GABRG1: variants seen among roughly 807,000 people sequenced by gnomAD.
GABRG1 encodes gamma-aminobutyric acid receptor subunit gamma-1.
In GABRG1, 49 loss-of-function variants were observed where a neutral mutation model predicts 49.8. The ratio of observed to expected loss-of-function variants is 0.98; its 90% confidence interval spans 0.78 to 1.25. The LOEUF (loss-of-function observed/expected upper bound fraction) is 1.25. Among genes scored for constraint, GABRG1 ranks in the 50% most tolerant of loss-of-function variants. The pLI, the probability that GABRG1 is intolerant of heterozygous loss-of-function variation, is 0.00. For synonymous variants in GABRG1, 232 were observed against 185.1 expected (o/e 1.25, Z -2.06); for missense variants, 552 against 552.3 (o/e 1.00, Z 0.01).
At chr4:46,060,782 G>T (rs2109404639) in intron 5 of GABRG1, among the ~76,000 whole-genome samples, 1 of 151,974 alleles carries the variant, frequency 6.6e-6, no homozygotes, top group Admixed American at 6.6e-5. Context: ...GATTTCTATA[G>T]TTTCTGTCTT....
intron 3 of GABRG1, among the ~76,000 whole-genome samples, chr4:46,066,847 A>G (rs958704428): frequency 6.6e-6 from 1 of 151,180 alleles, no homozygotes; most frequent in African/African-American, 2.4e-5. Flanking sequence ...TATATATTAT[A>G]TATATGTACT....
rs550833689 is a variant in GABRG1 at position 46,054,164 on chromosome 4, G to T, written c.917-2526C>A. Among the ~76,000 whole-genome samples, 62 of 43,726 alleles carry T rather than the reference G, an allele frequency of 1.4e-3. 10 individuals carry two copies. Among genetic ancestry groups the T allele is most frequent in the African/African-American group, 7.2e-3 (53 of 7,372 alleles). 28.7% of individuals were successfully genotyped at this position (43,726 alleles called of 152,430 possible). A position where few individuals can be genotyped will look rare whatever the true frequency, so the allele number is the denominator to read the frequency against. The stretch of plus-strand genomic sequence containing the variant: ...TCAAAGATCAGATAGTTGTAGATAT[G>T]CGGCATTATTTCTGAGGGCTCTGTT... On this transcript the variant is annotated intron_variant, in intron 7 of 8. Coordinates refer to ENST00000295452, the MANE Select transcript of GABRG1 (RefSeq NM_173536.4).
chr4:46,037,674 AAAAT>A lies in GABRG1; in HGVS notation c.*3310_*3313del, dbSNP rs1041515834. 3 of 151,760 alleles carry A rather than the reference AAAAT, an allele frequency of 2.0e-5. No homozygotes were observed. The highest frequency in any genetic ancestry group is 1.3e-4 in the Admixed American group (2 of 15,174). The allele number at this position is 151,760 out of a possible 1,614,324, so 9.4% of individuals were successfully genotyped here. On this transcript the variant is annotated 3_prime_UTR_variant, in exon 9 of 9. Coordinates refer to ENST00000295452, the MANE Select transcript of GABRG1 (RefSeq NM_173536.4). ...AAATAGGTACTGGTATAGAACTTTG[AAAAT>A]ATTATGCATGTATTTATTCATTCGT...
intron 1 of GABRG1, among the ~76,000 whole-genome samples, chr4:46,119,601 A>G (rs544414956): frequency 4.0e-4 from 61 of 151,568 alleles, no homozygotes; most frequent in Non-Finnish European, 2.7e-4. Context: ...ATTTGAAGAC[A>G]TTTTCCCCAT....
chr4:46,092,902 T>C (rs1720038069), intron 2 of GABRG1, among the ~76,000 whole-genome samples: 1 of 151,620 alleles, frequency 6.6e-6, no homozygotes, highest in South Asian at 2.1e-4. Flanking sequence ...AAACTCCGTC[T>C]CTACTAAAAA....
At chr4:46,091,927 G>C (rs1257311206) in intron 2 of GABRG1, among the ~76,000 whole-genome samples, 1 of 151,970 alleles carries the variant, frequency 6.6e-6, no homozygotes, top group African/African-American at 2.4e-5. Flanking sequence ...AAATTGTCCA[G>C]AGATAAAATA....
intron 5 of GABRG1, among the ~76,000 whole-genome samples, chr4:46,062,798 C>G (rs1451821020): frequency 6.6e-6 from 1 of 152,124 alleles, no homozygotes; most frequent in African/African-American, 2.4e-5. Flanking sequence ...TCTCCTTAAG[C>G]TGATAAGCAA....
In GABRG1 at chr4:46,111,047, G is replaced by A. The variant is rs971157465; in HGVS notation, c.104+12763C>T. On this transcript the variant is annotated intron_variant, in intron 1 of 8. Transcript: ENST00000295452. Reference sequence around the variant, plus strand: ...TAAAAGGCATCGAACAGAAAAAGAAGAAATCAAACTATCTCTTTTTAGAAA... The same window carrying A: ...TAAAAGGCATCGAACAGAAAAAGAAAAAATCAAACTATCTCTTTTTAGAAA... 5.3e-5 allele frequency among the ~76,000 whole-genome samples: 8 copies of A among 151,168 alleles called. No individual in the cohort carries two copies. In the East Asian group the frequency reaches 1.6e-3, roughly 30 times the overall value.
intron 3 of GABRG1, among the ~76,000 whole-genome samples, chr4:46,073,293 CCCT>C (rs1158957737): frequency 1.3e-5 from 2 of 151,794 alleles, no homozygotes; most frequent in African/African-American, 4.8e-5. Flanking sequence ...TCCTGCTTTT[CCCT>C]CATTTTAATT....
At position 46,051,632 on chromosome 4, in the gene GABRG1, G is replaced by T; in HGVS notation, c.923C>A (p.Thr308Asn). Residue 308 changes from threonine to asparagine, a missense_variant, in exon 8 of 9, where the codon ACT becomes AAT. By Grantham distance (65) the Thr-to-Asn change is moderately conservative. Coordinates refer to ENST00000295452, the MANE Select transcript of GABRG1 (RefSeq NM_173536.4). ...CAGGGTTGTCATAGTCAGAACTGTAGTGATACCTATAGAGAGAGGAAACAA... is the reference window on the plus strand; with the variant it reads ...CAGGGTTGTCATAGTCAGAACTGTATTGATACCTATAGAGAGAGGAAACAA... The part of the protein sequence containing the change: ...AVPARTSLGI[T>N]TVLTMTTLST... The T allele has an allele frequency of 6.3e-7, 1 of 1,593,874 alleles. No individual in the cohort carries two copies. Among genetic ancestry groups the T allele is most frequent in the Non-Finnish European group, 8.6e-7 (1 of 1,163,482 alleles).
chr4:46,117,747 T>C (rs960963590), intron 1 of GABRG1, among the ~76,000 whole-genome samples: 5 of 143,792 alleles, frequency 3.5e-5, no homozygotes, highest in African/African-American at 1.0e-4. Flanking sequence ...TATACACATA[T>C]ACATACATGT....
intron 1 of GABRG1, among the ~76,000 whole-genome samples, chr4:46,122,146 G>T (rs567513718): frequency 2.0e-5 from 3 of 151,936 alleles, no homozygotes; most frequent in African/African-American, 7.2e-5. Context: ...TGTCCCTTCA[G>T]CACATATCTC....
chr4:46,117,590 T>TCTCTC (rs1720941500), intron 1 of GABRG1, among the ~76,000 whole-genome samples: 1 of 130,296 alleles, frequency 7.7e-6, no homozygotes, highest in African/African-American at 3.1e-5. Flanking sequence ...CTGTCTCTCT[T>TCTCTC]TGTCTCTCTC....
intron 1 of GABRG1, among the ~76,000 whole-genome samples, chr4:46,122,537 A>T (rs1364468134): frequency 6.6e-6 from 1 of 152,036 alleles, no homozygotes; most frequent in East Asian, 1.9e-4. Context: ...CAGGGTTAAA[A>T]AAAAAGAGAG....
intron 1 of GABRG1, among the ~76,000 whole-genome samples, chr4:46,099,857 G>T (rs1697481526): frequency 1.3e-5 from 2 of 151,680 alleles, no homozygotes; most frequent in Admixed American, 6.6e-5. Flanking sequence ...TCTGTGAGAA[G>T]TGGATTAACT....
At chr4:46,089,402 T>C (rs1398870924) in intron 2 of GABRG1, among the ~76,000 whole-genome samples, 2 of 152,032 alleles carry the variant, frequency 1.3e-5, no homozygotes, top group African/African-American at 4.8e-5. Context: ...AGTTAAAACG[T>C]AGACCAATCT....
chr4:46,102,456 C>T (rs947427880), intron 1 of GABRG1, among the ~76,000 whole-genome samples: 35 of 151,644 alleles, frequency 2.3e-4, no homozygotes, highest in African/African-American at 8.5e-4. Context: ...ATCCAAACTA[C>T]TTCTTCCCCC....
At chr4:46,119,095 T>TTG (rs34956057) in intron 1 of GABRG1, among the ~76,000 whole-genome samples, 14,218 of 148,536 alleles carry the variant, frequency 0.096, 1,544 homozygotes, top group African/African-American at 0.27. Context: ...TAAGTTACAG[T>TTG]TGTGTGTGTG....
Position 46,070,594 on chromosome 4 carries a change from C to T in GABRG1, c.322-5010G>A, listed in dbSNP as rs566243828. Among the ~76,000 whole-genome samples, 6 of 151,798 alleles carry T rather than the reference C, an allele frequency of 4.0e-5. No individual in the cohort carries two copies. The South Asian group carries it at 6.2e-4, about 16-fold the overall frequency. On this transcript the variant is annotated intron_variant, in intron 3 of 8. Transcript: ENST00000295452. Reference sequence around the variant, plus strand: ...AGGTACTCCATAGAAACACAGCCAACGGGATAAATAGGTGGGCATATAGAT... The same window carrying T: ...AGGTACTCCATAGAAACACAGCCAATGGGATAAATAGGTGGGCATATAGAT...
Sources: gnomAD v4.1 joint callset for allele counts (sites outside exome capture counted in the v4.1 genomes callset) on GRCh38, gnomAD v4.1.1 for gene constraint, MANE v1.5 for transcripts, NCBI Gene and HGNC (gene_info 2026-07-23, HGNC 2026-07-21) for gene names.